SLC36A1: variants seen among roughly 807,000 people sequenced by gnomAD.
SLC36A1 encodes solute carrier family 36 member 1.
SLC36A1 carries 30 observed loss-of-function variants against 47.5 expected under a neutral mutation model. The ratio of observed to expected loss-of-function variants is 0.63; its 90% CI spans 0.47 to 0.86. The LOEUF is 0.86. SLC36A1 is among the 40% of genes least tolerant of loss of function. The probability of loss-of-function intolerance (pLI) is 0.00; values close to 1 mark genes in which losing one functional copy is unlikely to be tolerated. For missense variants in SLC36A1, 517 were observed against 606.0 expected, an observed-to-expected ratio of 0.85 and a Z score of 1.54; for synonymous variants, 255 against 249.7, an observed-to-expected ratio of 1.02 and a Z score of -0.20.
At chr5:151,528,111 C>G in the SLC36A1 span, 1 of 1,613,860 alleles carries the variant, frequency 6.2e-7, no homozygotes, top group South Asian at 1.1e-5. Flanking sequence ...ATTTAGGGGT[C>G]CATCTTCATC....
the SLC36A1 span, chr5:151,507,055 G>A: frequency 0.76 from 789,850 of 1,034,518 alleles, 302,579 homozygotes; most frequent in African/African-American, 0.85. Flanking sequence ...GGTTGGATGC[G>A]TGGTAGCTAA....
Position 151,470,284 on chromosome 5 carries a change from C to G in SLC36A1, c.723+2359C>G, listed in dbSNP as rs183453414. 2.0e-3 allele frequency among the ~76,000 whole-genome samples: 305 copies of G among 152,278 alleles called. 1 individual carries two copies. Among genetic ancestry groups the G allele is most frequent in the Non-Finnish European group, 3.7e-3 (249 of 68,020 alleles). ...AGGCCACCCCCATAGACAGACACACCTGCTGCATTTACTTTTAAATCATTG... is the reference window on the plus strand; with the variant it reads ...AGGCCACCCCCATAGACAGACACACGTGCTGCATTTACTTTTAAATCATTG... On this transcript the variant is annotated intron_variant, in intron 7 of 10. Transcript: ENST00000243389.
At chr5:151,417,855 G>A in the SLC36A1 span, among the ~76,000 whole-genome samples, 1 of 152,222 alleles carries the variant, frequency 6.6e-6, no homozygotes, top group Non-Finnish European at 1.5e-5. Flanking sequence ...CATCTCCAGG[G>A]CATGTCAGAT....
intron 5 of SLC36A1, 96 bp from the exon 6 acceptor site, chr5:151,467,103 A>G: frequency 1.1e-6 from 1 of 937,682 alleles, no homozygotes. Context: ...TACTCCCTAA[A>G]TCTATTAAAA....
At chr5:151,555,496 G>A in the SLC36A1 span, among the ~76,000 whole-genome samples, 5 of 147,878 alleles carry the variant, frequency 3.4e-5, no homozygotes, top group East Asian at 2.0e-4. Context: ...CAGCCTCCCC[G>A]GTAGCTGGGA....
At chr5:151,354,530 GT>G in the SLC36A1 span, among the ~76,000 whole-genome samples, 1 of 152,130 alleles carries the variant, frequency 6.6e-6, no homozygotes, top group South Asian at 2.1e-4. Flanking sequence ...AGCTAAAATG[GT>G]TTTAGAGGCA....
At chr5:151,529,486 C>T in the SLC36A1 span, 2 of 1,043,698 alleles carry the variant, frequency 1.9e-6, no homozygotes, top group East Asian at 2.4e-5. Context: ...AGAGGCAGCT[C>T]AACAGGGCTA....
the SLC36A1 span, among the ~76,000 whole-genome samples, chr5:151,549,844 C>T: frequency 3.3e-5 from 5 of 152,276 alleles, no homozygotes; most frequent in Admixed American, 6.5e-5. Context: ...ATTATATGGT[C>T]ACATAAATTT....
At chr5:151,474,305 C>T (rs186975655) in intron 8 of SLC36A1, among the ~76,000 whole-genome samples, 8 of 152,140 alleles carry the variant, frequency 5.3e-5, no homozygotes, top group African/African-American at 1.4e-4. Flanking sequence ...ATTCAAGGCC[C>T]CTTCACTGCA....
Position 151,463,626 on chromosome 5 carries a change from A to G in SLC36A1, c.217A>G (p.Lys73Glu), listed in dbSNP as rs1755901632. 2 of 1,613,818 alleles carry G rather than the reference A, an allele frequency of 1.2e-6. No individual in the cohort carries two copies. Among genetic ancestry groups the G allele is most frequent in the Non-Finnish European group, 1.7e-6 (2 of 1,179,784 alleles). Reference protein sequence around the residue: ...TGLLGLPLAVKNAGIVMGPIS... With the variant: ...TGLLGLPLAVENAGIVMGPIS... ...ACTCCTGGGACTCCCTCTGGCGGTGAAAAATGCAGGCATCGTGGTAAGGGT... is the reference window on the plus strand; with the variant it reads ...ACTCCTGGGACTCCCTCTGGCGGTGGAAAATGCAGGCATCGTGGTAAGGGT... The change falls in exon 3 of 11, where the codon AAA becomes GAA. Residue 73 changes from lysine to glutamate, a missense_variant. Physicochemically the swap from Lys to Glu is moderately conservative, Grantham distance 56. Coordinates refer to ENST00000243389, the MANE Select transcript of SLC36A1 (RefSeq NM_078483.4).
the SLC36A1 span, among the ~76,000 whole-genome samples, chr5:151,367,360 C>CAT: frequency 1.9e-4 from 12 of 64,372 alleles, no homozygotes; most frequent in Non-Finnish European, 3.1e-4. Context: ...CCCAGGAATG[C>CAT]ATTTTTTTTT....
the SLC36A1 span, among the ~76,000 whole-genome samples, chr5:151,546,930 C>G: frequency 6.6e-6 from 1 of 152,144 alleles, no homozygotes; most frequent in African/African-American, 2.4e-5. Flanking sequence ...ACCCATATCT[C>G]AAGGCTCCTG....
At chr5:151,517,713 C>T in the SLC36A1 span, 44 of 1,614,080 alleles carry the variant, frequency 2.7e-5, no homozygotes, top group African/African-American at 2.4e-4. Context: ...AGTTCCGAGC[C>T]GCTGGGGCCC....
chr5:151,506,127 T>C, the SLC36A1 span: 1 of 1,492,526 alleles, frequency 6.7e-7, no homozygotes, highest in African/African-American at 1.4e-5. Context: ...TAGGGTGAGC[T>C]CATTTTCTCC....
At chr5:151,507,430 T>C in the SLC36A1 span, 2 of 1,614,122 alleles carry the variant, frequency 1.2e-6, no homozygotes, top group Non-Finnish European at 1.7e-6. Flanking sequence ...GGGTCCTCCA[T>C]GGCCACAGGC....
At chr5:151,537,526 T>C in the SLC36A1 span, among the ~76,000 whole-genome samples, 1 of 152,150 alleles carries the variant, frequency 6.6e-6, no homozygotes, top group Admixed American at 6.5e-5. Flanking sequence ...ATAAATCCCC[T>C]TAGCATTCTG....
the SLC36A1 span, among the ~76,000 whole-genome samples, chr5:151,508,103 C>T: frequency 1.8e-4 from 27 of 152,274 alleles, no homozygotes; most frequent in South Asian, 3.5e-3. Context: ...AGAAAGCATG[C>T]GAACTCTCAG....
chr5:151,526,654 A>G, the SLC36A1 span, among the ~76,000 whole-genome samples: 1 of 152,184 alleles, frequency 6.6e-6, no homozygotes, highest in East Asian at 1.9e-4. Context: ...CAGAAAAGAT[A>G]TTTTTAGTCA....
chr5:151,423,733 C>T, the SLC36A1 span, among the ~76,000 whole-genome samples: 1 of 152,036 alleles, frequency 6.6e-6, no homozygotes, highest in African/African-American at 2.4e-5. Context: ...TATATTTGTC[C>T]AAAAAACATA....
Sources: gnomAD v4.1 joint callset for allele counts (sites outside exome capture counted in the v4.1 genomes callset) on GRCh38, gnomAD v4.1.1 for gene constraint, MANE v1.5 for transcripts, NCBI Gene and HGNC (gene_info 2026-07-23, HGNC 2026-07-21) for gene names.